Variants in MKLN1 observed in about 807,000 individuals in gnomAD.
MKLN1 encodes the protein muskelin 1.
A neutral mutation model predicts 99.0 loss-of-function variants in MKLN1; 18 were observed. The ratio of observed to expected loss-of-function variants is 0.18; its 90% confidence interval spans 0.13 to 0.27. MKLN1 has a LOEUF of 0.27. MKLN1 is among the 10% of genes least tolerant of loss of function. The probability of loss-of-function intolerance (pLI) is 1.00; values close to 1 mark genes in which losing one functional copy is unlikely to be tolerated. For missense variants in MKLN1, 621 were observed against 875.9 expected, an observed-to-expected ratio of 0.71 and a Z score of 3.67; for synonymous variants, 288 against 293.2, an observed-to-expected ratio of 0.98 and a Z score of 0.18.
chr7:131,227,633 T>A (rs556650491), intron 3 of MKLN1, among the ~76,000 whole-genome samples: 2 of 151,642 alleles, frequency 1.3e-5, no homozygotes, highest in East Asian at 3.9e-4. Context: ...TGGAGCAATC[T>A]TGGCTCACTG....
intron 2 of MKLN1, among the ~76,000 whole-genome samples, chr7:131,176,517 G>A (rs546212839): frequency 1.3e-5 from 2 of 152,226 alleles, no homozygotes; most frequent in Admixed American, 1.3e-4. Context: ...TTTGTCAATT[G>A]TTTTATACTG....
At chr7:131,427,310 T>C (rs570160207) in intron 8 of MKLN1, among the ~76,000 whole-genome samples, 2 of 152,346 alleles carry the variant, frequency 1.3e-5, no homozygotes, top group Admixed American at 1.3e-4. Flanking sequence ...AAGGTTTTCT[T>C]AAATAGTCTT....
At chr7:131,328,020 G>C in intron 1 of MKLN1, 23 bp downstream of exon 1, 2 of 1,612,650 alleles carry the variant, frequency 1.2e-6, no homozygotes, top group Non-Finnish European at 1.7e-6. Flanking sequence ...CCTTGAGCTC[G>C]TGCTGCCCCA....
At chr7:131,210,604 G>A (rs929076581) in intron 3 of MKLN1, among the ~76,000 whole-genome samples, 2 of 144,516 alleles carry the variant, frequency 1.4e-5, no homozygotes, top group South Asian at 4.6e-4. Flanking sequence ...TTGGGAGGCT[G>A]AGGTGGGAGG....
intron 3 of MKLN1, among the ~76,000 whole-genome samples, chr7:131,217,751 G>C (rs1584843017): frequency 6.6e-6 from 1 of 152,178 alleles, no homozygotes. Context: ...AAGAGTGTTA[G>C]TTTGAAGAAA....
At chr7:131,407,997 G>A (rs2116306471) in intron 6 of MKLN1, among the ~76,000 whole-genome samples, 1 of 152,154 alleles carries the variant, frequency 6.6e-6, no homozygotes, top group Middle Eastern at 3.4e-3. Context: ...ACATCTGAGA[G>A]CTTGACAATG....
At chr7:131,210,525 G>A (rs889300283) in intron 3 of MKLN1, among the ~76,000 whole-genome samples, 1 of 147,092 alleles carries the variant, frequency 6.8e-6, no homozygotes, top group Non-Finnish European at 1.5e-5. Flanking sequence ...GAGTGAGACT[G>A]TATCTCCAAA....
chr7:131,467,962 A>G (rs745616679), intron 15 of MKLN1, among the ~76,000 whole-genome samples: 4 of 152,156 alleles, frequency 2.6e-5, no homozygotes, highest in Non-Finnish European at 5.9e-5. Flanking sequence ...TGGTGAAAAG[A>G]CTTGGCCTGA....
chr7:131,363,369 T>G (rs911064732), intron 1 of MKLN1, among the ~76,000 whole-genome samples: 1 of 152,102 alleles, frequency 6.6e-6, no homozygotes, highest in African/African-American at 2.4e-5. Flanking sequence ...AATGTGAATC[T>G]TATCTCTCCT....
At chr7:131,444,600 C>T (rs553368800) in intron 11 of MKLN1, among the ~76,000 whole-genome samples, 1 of 151,666 alleles carries the variant, frequency 6.6e-6, no homozygotes, top group East Asian at 1.9e-4. Flanking sequence ...CTTTTTACCC[C>T]GACTGGAGCG....
At position 131,468,321 on chromosome 7, in the gene MKLN1, G is replaced by A. The variant is rs558488459; in HGVS notation, c.1928+1906G>A. Among the ~76,000 whole-genome samples the A allele has an allele frequency of 5.3e-4, 81 of 152,286 alleles. 1 individual carries two copies. The South Asian group carries it at 0.016, about 31-fold the overall frequency. On this transcript the variant is annotated intron_variant, in intron 15 of 17. Transcript: ENST00000352689. Reference sequence around the variant, plus strand: ...TAAATTCAAGAATTTGAGGGACATCGCTACATTATAGACAGAATAGAAGAA... The same window carrying A: ...TAAATTCAAGAATTTGAGGGACATCACTACATTATAGACAGAATAGAAGAA...
At chr7:131,183,928 C>T (rs894728582) in intron 2 of MKLN1, among the ~76,000 whole-genome samples, 1 of 151,836 alleles carries the variant, frequency 6.6e-6, no homozygotes, top group South Asian at 2.1e-4. Context: ...TACCTTGTTG[C>T]ATCCTCTAAA....
At chr7:131,385,032 G>A (rs945964769) in intron 2 of MKLN1, among the ~76,000 whole-genome samples, 7 of 152,206 alleles carry the variant, frequency 4.6e-5, no homozygotes, top group Non-Finnish European at 8.8e-5. Context: ...CCAGTAAGGA[G>A]TATCTCCTTT....
chr7:131,264,651 G>GT lies in MKLN1; in HGVS notation c.-179+61685dup, dbSNP rs946496534. Among the ~76,000 whole-genome samples the GT allele has an allele frequency of 5.8e-3, 884 of 151,358 alleles. 5 individuals are homozygous for GT. Among genetic ancestry groups the GT allele is most frequent in the Non-Finnish European group, 7.4e-3 (501 of 67,802 alleles). On this transcript the variant is annotated intron_variant, in intron 3 of 7. Coordinates refer to the MKLN1 transcript ENST00000416992. ...TTTTGGGTCCCCGGAGGGTTTTTGG[G>GT]TTTTTTTTCTTTTTAGTTATTATTG...
chr7:131,216,380 G>A (rs112364248), intron 3 of MKLN1, among the ~76,000 whole-genome samples: 7,400 of 148,618 alleles, frequency 0.05, 232 homozygotes, highest in Middle Eastern at 0.074. Flanking sequence ...CCGACATTGC[G>A]CCACTGCACT....
At chr7:131,397,144 A>C in intron 4 of MKLN1, 123 bp from the exon 5 acceptor site, 3 of 637,118 alleles carry the variant, frequency 4.7e-6, no homozygotes, top group South Asian at 4.1e-5. Context: ...TAGTCATATA[A>C]AAGATGCCCA....
intron 3 of MKLN1, chr7:131,242,621 G>A (rs766883907): frequency 3.1e-5 from 16 of 518,274 alleles, no homozygotes; most frequent in Non-Finnish European, 5.5e-5. Context: ...CTGGGACGGT[G>A]GTGCTTGTTC....
Position 131,452,544 on chromosome 7 carries a change from C to CTTTT in MKLN1, c.1525+6663_1525+6666dup, listed in dbSNP as rs1159344518. Among the ~76,000 whole-genome samples the CTTTT allele has an allele frequency of 4.5e-3, 315 of 70,362 alleles. 6 individuals are homozygous for CTTTT. The highest frequency in any genetic ancestry group is 6.7e-3 in the African/African-American group (111 of 16,614). The allele number at this position is 70,362 out of a possible 152,430, so 46.2% of individuals were successfully genotyped here. On this transcript the variant is annotated intron_variant, in intron 12 of 17. Transcript: ENST00000352689. ...TCTTTATGTTTCTGATCCTTTTATACTTTTTTTTTTTTTTTTTTTTTTTTT... is the reference window on the plus strand; with the variant it reads ...TCTTTATGTTTCTGATCCTTTTATACTTTTTTTTTTTTTTTTTTTTTTTTTTTTT...
At chr7:131,387,307 G>A (rs369902662) in intron 3 of MKLN1, 45 bp downstream of exon 3, 14 of 1,540,672 alleles carry the variant, frequency 9.1e-6, no homozygotes, top group East Asian at 2.3e-5. Context: ...TAAACAAAAC[G>A]TAGTCTTAGT....
Sources: gnomAD v4.1 joint callset for allele counts (sites outside exome capture counted in the v4.1 genomes callset) on GRCh38, gnomAD v4.1.1 for gene constraint, MANE v1.5 for transcripts, NCBI Gene and HGNC (gene_info 2026-07-23, HGNC 2026-07-21) for gene names.